The following NMT2 variants were observed in gnomAD, a reference collection of about 807,000 sequenced individuals.
NMT2 encodes N-myristoyltransferase 2.
In NMT2, 35 loss-of-function variants were observed where a neutral mutation model predicts 65.4. That is an observed-to-expected ratio of 0.54 (90% CI 0.41 to 0.71). The LOEUF (loss-of-function observed/expected upper bound fraction) is 0.71. NMT2 is among the 30% of genes least tolerant of loss of function. The pLI is 0.00. For synonymous variants in NMT2, 226 were observed against 231.8 expected (o/e 0.98, Z 0.23); for missense variants, 489 against 611.3 (o/e 0.80, Z 2.11).
chr10:15,110,235 G>T (rs7901851), intron 10 of NMT2, among the ~76,000 whole-genome samples: 61,799 of 151,900 alleles, frequency 0.41, 17,107 homozygotes, highest in African/African-American at 0.8. Flanking sequence ...ATTGTGCCAC[G>T]GCACTCCAGC....
At chr10:15,127,898 C>CAA (rs75529340) in intron 8 of NMT2, among the ~76,000 whole-genome samples, 1 of 104,206 alleles carries the variant, frequency 9.6e-6, no homozygotes, top group Non-Finnish European at 2.1e-5. Context: ...AGACTGTCTC[C>CAA]AAAAAAAAAA....
rs1845397634 is a variant in NMT2 at position 15,108,586 on chromosome 10, T to G, written c.*609A>C. ...TCAAAGTACAAACTTGCATGTTTAT[T>G]GATTCGGCAACTCTGCTTATGGAGA... is the stretch of plus-strand genomic sequence containing the variant. On this transcript the variant is annotated 3_prime_UTR_variant, in exon 12 of 12. Transcript: ENST00000378165. The G allele has an allele frequency of 1.0e-6, 1 of 985,946 alleles. No homozygotes were observed. The highest frequency in any genetic ancestry group is 1.7e-5 in the African/African-American group (1 of 57,258). 61.1% of individuals were successfully genotyped at this position (985,946 alleles called of 1,614,324 possible). A position where few individuals can be genotyped will look rare whatever the true frequency, so the allele number is the denominator to read the frequency against.
Position 15,134,599 on chromosome 10 carries a change from C to T in NMT2, c.391+675G>A, listed in dbSNP as rs115901596. ...GGTGTGTGCCCTGGACTATGCCTGG[C>T]ATTTAATAACAGACACTCAACAGAC... On this transcript the variant is annotated intron_variant, in intron 3 of 11. Coordinates refer to ENST00000378165, the MANE Select transcript of NMT2 (RefSeq NM_004808.3). 6.7e-3 allele frequency among the ~76,000 whole-genome samples: 1,017 copies of T among 152,282 alleles called. 10 individuals carry two copies. The highest frequency in any genetic ancestry group is 0.023 in the African/African-American group (962 of 41,558).
intron 9 of NMT2, among the ~76,000 whole-genome samples, chr10:15,114,395 T>C (rs6602814): frequency 0.41 from 62,178 of 152,018 alleles, 17,247 homozygotes; most frequent in African/African-American, 0.8. Flanking sequence ...AAGAGTGGGA[T>C]GATCTTTCCA....
chr10:15,127,401 G>A (rs1184127013), intron 8 of NMT2, among the ~76,000 whole-genome samples: 1 of 149,868 alleles, frequency 6.7e-6, no homozygotes, highest in Non-Finnish European at 1.5e-5. Context: ...CAAAAAATTA[G>A]CCGGGCATGC....
intron 6 of NMT2, among the ~76,000 whole-genome samples, chr10:15,131,877 T>C (rs903850633): frequency 6.6e-6 from 1 of 152,200 alleles, no homozygotes; most frequent in Non-Finnish European, 1.5e-5. Context: ...AGTAATTTTT[T>C]TTTTTTGAGA....
In NMT2 at chr10:15,126,711, T is replaced by A. The variant is rs554499985; in HGVS notation, c.999+1639A>T. ...CCCTAGTCAAGTTTCAGATGAGACC[T>A]CAGCCCTGGCTGACACCTGGGTGGC... On this transcript the variant is annotated intron_variant, in intron 8 of 11. Coordinates refer to ENST00000378165, the MANE Select transcript of NMT2 (RefSeq NM_004808.3). Among the ~76,000 whole-genome samples, 31 of 152,312 alleles carry A rather than the reference T, an allele frequency of 2.0e-4. No individual in the cohort carries two copies. In the South Asian group the frequency reaches 6.4e-3, roughly 32 times the overall value.
At chr10:15,127,060 C>T (rs979598547) in intron 8 of NMT2, among the ~76,000 whole-genome samples, 3 of 143,800 alleles carry the variant, frequency 2.1e-5, no homozygotes, top group African/African-American at 2.6e-5. Flanking sequence ...GTGAAACCCC[C>T]GCCATCTCTA....
chr10:15,109,682 G>C lies in NMT2; in HGVS notation c.1476+20C>G. The C allele has an allele frequency of 1.3e-6, 2 of 1,594,804 alleles. No homozygotes were observed. Among genetic ancestry groups the C allele is most frequent in the Non-Finnish European group, 1.7e-6 (2 of 1,171,410 alleles). ...AGGTACATTTGTTGAGTTTACAAGG[G>C]CTATATCCATTTCACTTACCTTTTC... On this transcript the variant is annotated intron_variant, in intron 11 of 11. Coordinates refer to ENST00000378165, the MANE Select transcript of NMT2 (RefSeq NM_004808.3).
rs17156325 is a variant in NMT2, at chr10:15,133,459, A to C, written c.392-96T>G. 4,562 of 908,788 alleles carry C rather than the reference A, an allele frequency of 5.0e-3. 152 individuals carry two copies. The African/African-American group carries it at 0.067, about 13-fold the overall frequency. The allele number at this position is 908,788 out of a possible 1,614,324, so 56.3% of individuals were successfully genotyped here. A position where few individuals can be genotyped will look rare whatever the true frequency, so the allele number is the denominator to read the frequency against. On this transcript the variant is annotated intron_variant, in intron 3 of 11. Transcript: ENST00000378165. The stretch of plus-strand genomic sequence containing the variant: ...ATCCAAAGTGGTCAGTGACATAAGC[A>C]AAATCTGACTTAGGGCCCTCGGGTT...
At chr10:15,164,252 T>G (rs1055025970) in intron 1 of NMT2, among the ~76,000 whole-genome samples, 19 of 151,526 alleles carry the variant, frequency 1.3e-4, no homozygotes, top group Non-Finnish European at 4.4e-5. Flanking sequence ...AATTTAGTCA[T>G]GTATCTGCCA....
chr10:15,168,644 G>A lies in NMT2; in HGVS notation c.-32C>T, dbSNP rs376289144. 7.8e-6 allele frequency: 12 copies of A among 1,537,664 alleles called. No homozygotes were observed. Among genetic ancestry groups the A allele is most frequent in the East Asian group, 7.6e-5 (3 of 39,514 alleles). ...GGCGCTGGCTGGGGAGGCGGTGCTC[G>A]GGGCCGGGCCGGAGCGGCCGCAGCT... On this transcript the variant is annotated 5_prime_UTR_variant, in exon 1 of 12. Coordinates refer to ENST00000378165, the MANE Select transcript of NMT2 (RefSeq NM_004808.3).
chr10:15,141,147 T>C, intron 2 of NMT2: 1 of 967,424 alleles, frequency 1.0e-6, no homozygotes, highest in Admixed American at 2.3e-5. Context: ...ACACTGAGAC[T>C]TTCTTCTAGA....
chr10:15,116,811 A>G (rs1845762843), intron 9 of NMT2, among the ~76,000 whole-genome samples: 1 of 152,252 alleles, frequency 6.6e-6, no homozygotes, highest in South Asian at 2.1e-4. Flanking sequence ...CATACATTCA[A>G]CAATTTAGAA....
chr10:15,134,300 C>T (rs1846393547), intron 3 of NMT2, among the ~76,000 whole-genome samples: 1 of 152,138 alleles, frequency 6.6e-6, no homozygotes, highest in African/African-American at 2.4e-5. Flanking sequence ...CCTGCCTCGG[C>T]CCCTCTCCAC....
At chr10:15,149,595 C>G (rs1421650614) in intron 1 of NMT2, among the ~76,000 whole-genome samples, 2 of 146,716 alleles carry the variant, frequency 1.4e-5, no homozygotes, top group Non-Finnish European at 3.0e-5. Flanking sequence ...ACCATCATCA[C>G]CATCACCATC....
chr10:15,137,624 C>T (rs1846560130), intron 2 of NMT2, among the ~76,000 whole-genome samples: 1 of 152,126 alleles, frequency 6.6e-6, no homozygotes, highest in South Asian at 2.1e-4. Flanking sequence ...CTTAACTGTG[C>T]ATCAGTTTAG....
intron 1 of NMT2, among the ~76,000 whole-genome samples, chr10:15,146,912 G>T (rs1846983234): frequency 6.6e-6 from 1 of 151,820 alleles, no homozygotes; most frequent in Non-Finnish European, 1.5e-5. Flanking sequence ...GATCAACACA[G>T]AAAGACCCCC....
intron 9 of NMT2, among the ~76,000 whole-genome samples, chr10:15,113,882 G>T (rs1845658353): frequency 6.6e-6 from 1 of 152,172 alleles, no homozygotes; most frequent in South Asian, 2.1e-4. Flanking sequence ...TCCAATACAA[G>T]AAATTAGCCA....
Sources: allele counts gnomAD v4.1 joint callset (sites outside exome capture counted in the v4.1 genomes callset), GRCh38; gene constraint gnomAD v4.1.1; transcripts MANE v1.5; gene names NCBI Gene and HGNC (gene_info 2026-07-23, HGNC 2026-07-21).